The following PALS1 variants were observed in gnomAD, a reference collection of about 807,000 sequenced individuals.
PALS1 encodes the protein protein associated with LIN7 1, MAGUK p55 family member, also known as protein PALS1.
In PALS1, 31 loss-of-function variants were observed where a neutral mutation model predicts 78.9. The observed-to-expected ratio is 0.39, with a 90% CI of 0.30 to 0.53. The LOEUF is 0.53. Among genes scored for constraint, PALS1 ranks in the 20% least tolerant of loss-of-function variants. The pLI is 0.67. For missense variants in PALS1, 704 were observed against 826.5 expected, an observed-to-expected ratio of 0.85 and a Z score of 1.82; for synonymous variants, 276 against 270.9, an observed-to-expected ratio of 1.02 and a Z score of -0.18.
chr14:67,242,337 C>T (rs930863663), intron 1 of PALS1, among the ~76,000 whole-genome samples: 4 of 152,070 alleles, frequency 2.6e-5, no homozygotes, highest in Non-Finnish European at 4.4e-5. Context: ...TGTGTTTTGT[C>T]TCCATACTCG....
At position 67,312,584 on chromosome 14, in the gene PALS1, C is replaced by T. The variant is rs2085107719; in HGVS notation, c.1099C>T (p.Arg367Ter). ...CTCAGATGACCCTTATGTTCCATGT[C>T]GAGAGTTAGGTCTGTCTTTTCAAAA... ...DPSDDPYVPC[R>*]ELGLSFQKGD... The change falls in exon 9 of 15, where the codon CGA becomes TGA. Residue 367 changes from arginine to a stop codon, truncating the protein, a stop_gained. Coordinates refer to ENST00000261681, the MANE Select transcript of PALS1 (RefSeq NM_022474.4). LOFTEE classifies it high-confidence loss of function. The T allele has an allele frequency of 3.1e-6, 5 of 1,613,220 alleles. No individual in the cohort carries two copies. Among genetic ancestry groups the T allele is most frequent in the African/African-American group, 1.3e-5 (1 of 74,952 alleles).
rs182278069 is a variant in PALS1, at chr14:67,327,897, G to A, written c.1851+4085G>A. ...TTAATCCAGTCTATCATTGATTTGG[G>A]TTGGTTCCAAGTCTTTGCTATCGTA... On this transcript the variant is annotated intron_variant, in intron 14 of 14. Coordinates refer to ENST00000261681, the MANE Select transcript of PALS1 (RefSeq NM_022474.4). Among the ~76,000 whole-genome samples the A allele has an allele frequency of 5.2e-3, 796 of 152,174 alleles. 3 individuals are homozygous for A. The highest frequency in any genetic ancestry group is 0.037 in the Middle Eastern group (11 of 294).
chr14:67,334,627 AGT>A lies in PALS1; in HGVS notation c.*1674_*1675del, dbSNP rs927710300. ...GCATGGCCTATTAAGTTGGCTGGAG[AGT>A]GTTTTATGTGGAAATATTTTCAAGA... On this transcript the variant is annotated 3_prime_UTR_variant, in exon 15 of 15. Transcript: ENST00000261681. 50 of 152,260 alleles carry A rather than the reference AGT, an allele frequency of 3.3e-4. No individual in the cohort carries two copies. Among genetic ancestry groups the A allele is most frequent in the African/African-American group, 1.1e-3 (47 of 41,368 alleles). The allele number at this position is 152,260 out of a possible 1,614,324, so 9.4% of individuals were successfully genotyped here.
chr14:67,323,642 A>C, intron 13 of PALS1, 60 bp from the exon 14 acceptor site: 1 of 532,698 alleles, frequency 1.9e-6, no homozygotes, highest in Non-Finnish European at 3.2e-6. Context: ...ATATATCAGT[A>C]TTATTAGGAA....
intron 3 of PALS1, among the ~76,000 whole-genome samples, chr14:67,289,504 A>G (rs545752871): frequency 6.6e-4 from 100 of 152,214 alleles, no homozygotes; most frequent in Non-Finnish European, 1.2e-3. Context: ...CCAATCTCCC[A>G]CTGATACCGA....
chr14:67,286,621 C>T (rs973872069), intron 3 of PALS1, among the ~76,000 whole-genome samples: 2 of 151,458 alleles, frequency 1.3e-5, no homozygotes, highest in African/African-American at 2.4e-5. Context: ...TTTGGGAGGC[C>T]GAGGTGGGTG....
Position 67,323,427 on chromosome 14 carries a change from C to T in PALS1, c.1741-275C>T, listed in dbSNP as rs191288808. Among the ~76,000 whole-genome samples the T allele has an allele frequency of 1.9e-4, 29 of 151,458 alleles. 1 individual carries two copies. The highest frequency in any genetic ancestry group is 7.0e-4 in the African/African-American group (29 of 41,278). ...GCCAGGAGTTCAAGACCAGCCTGGACAACAAAGCGAGATCCTGTCTCTACA... is the reference window on the plus strand; with the variant it reads ...GCCAGGAGTTCAAGACCAGCCTGGATAACAAAGCGAGATCCTGTCTCTACA... On this transcript the variant is annotated intron_variant, in intron 13 of 14. Transcript: ENST00000261681.
intron 3 of PALS1, among the ~76,000 whole-genome samples, chr14:67,280,958 G>A (rs1234204348): frequency 2.0e-5 from 3 of 149,464 alleles, no homozygotes; most frequent in Non-Finnish European, 3.0e-5. Context: ...GTGCAGTGGT[G>A]CAATCTTCGG....
intron 1 of PALS1, among the ~76,000 whole-genome samples, chr14:67,265,247 A>G (rs2084303553): frequency 6.6e-6 from 1 of 152,206 alleles, no homozygotes; most frequent in Non-Finnish European, 1.5e-5. Flanking sequence ...AGGACTTGTT[A>G]GGGTGTTCTA....
chr14:67,253,973 T>C (rs952423943), intron 1 of PALS1, among the ~76,000 whole-genome samples: 1 of 151,450 alleles, frequency 6.6e-6, no homozygotes, highest in African/African-American at 2.4e-5. Flanking sequence ...GTTTTTTTTT[T>C]TCCATTTTGA....
intron 4 of PALS1, chr14:67,294,783 C>T (rs2084820669): frequency 6.6e-6 from 1 of 152,342 alleles, no homozygotes; most frequent in African/African-American, 2.4e-5. Context: ...CGCCATTCTC[C>T]TGCCTCAGCC....
At chr14:67,300,547 C>T (rs568098195) in intron 4 of PALS1, among the ~76,000 whole-genome samples, 15 of 152,170 alleles carry the variant, frequency 9.9e-5, no homozygotes, top group African/African-American at 2.2e-4. Context: ...AGGCTGGTCT[C>T]GAACTCCTGA....
At chr14:67,325,863 C>T (rs1291064784) in intron 14 of PALS1, among the ~76,000 whole-genome samples, 1 of 151,260 alleles carries the variant, frequency 6.6e-6, no homozygotes, top group Non-Finnish European at 1.5e-5. Flanking sequence ...GGCTGGAATG[C>T]AGTGGCGTAA....
chr14:67,275,460 G>T (rs1050870142), intron 2 of PALS1, among the ~76,000 whole-genome samples: 2 of 152,178 alleles, frequency 1.3e-5, no homozygotes, highest in Admixed American at 6.5e-5. Flanking sequence ...TTGCATCCCA[G>T]GGATGAAGCC....
At chr14:67,316,739 G>T in intron 9 of PALS1, 93 bp from the exon 10 acceptor site, 1 of 917,704 alleles carries the variant, frequency 1.1e-6, no homozygotes, top group Non-Finnish European at 1.6e-6. Context: ...TAAGTGAAGA[G>T]ATATGTCTAG....
chr14:67,329,943 T>C (rs1351112277), intron 14 of PALS1, among the ~76,000 whole-genome samples: 1 of 150,094 alleles, frequency 6.7e-6, no homozygotes, highest in Non-Finnish European at 1.5e-5. Context: ...CAACCAGTTA[T>C]GTAATTGTAC....
intron 8 of PALS1, among the ~76,000 whole-genome samples, chr14:67,309,354 CTCAT>C (rs2085054569): frequency 6.6e-6 from 1 of 152,146 alleles, no homozygotes; most frequent in African/African-American, 2.4e-5. Context: ...CAGACTTTAA[CTCAT>C]TCAAATCATT....
Position 67,301,543 on chromosome 14 carries a change from TG to T in PALS1, c.654+79del. ...TTTTTTAAATCAAAGACTCCAGTAC[TG>T]GAAGAGATGTCAAACATTCTCTAGC... On this transcript the variant is annotated intron_variant, in intron 5 of 14. Coordinates refer to ENST00000261681, the MANE Select transcript of PALS1 (RefSeq NM_022474.4). 6 of 903,478 alleles carry T rather than the reference TG, an allele frequency of 6.6e-6. No individual in the cohort carries two copies. The South Asian group carries it at 1.2e-4, about 18-fold the overall frequency. The allele number at this position is 903,478 out of a possible 1,614,324, so 56.0% of individuals were successfully genotyped here. A position where few individuals can be genotyped will look rare whatever the true frequency, so the allele number is the denominator to read the frequency against.
intron 3 of PALS1, among the ~76,000 whole-genome samples, chr14:67,284,506 A>AT (rs1159248515): frequency 1.6e-5 from 2 of 123,826 alleles, no homozygotes; most frequent in Non-Finnish European, 3.3e-5. Flanking sequence ...AGGCAGGAGG[A>AT]TTTTTTGAGC....
Sources: allele counts gnomAD v4.1 joint callset (sites outside exome capture counted in the v4.1 genomes callset), GRCh38; gene constraint gnomAD v4.1.1; transcripts MANE v1.5; gene names NCBI Gene and HGNC (gene_info 2026-07-23, HGNC 2026-07-21).